PRKG1: variants seen among roughly 807,000 people sequenced by gnomAD.
The protein encoded by PRKG1 is protein kinase cGMP-dependent 1, also known as cGMP-dependent protein kinase 1.
Under a neutral mutation model 88.1 loss-of-function variants are expected in PRKG1, and 35 were observed. The ratio of observed to expected loss-of-function variants is 0.40; its 90% CI spans 0.30 to 0.53. The LOEUF (loss-of-function observed/expected upper bound fraction) is 0.53, where lower values mean the gene tolerates loss of function less well. PRKG1 is among the 20% of genes least tolerant of loss of function. PRKG1 has a pLI of 0.59. For synonymous variants in PRKG1, 303 were observed against 292.5 expected (o/e 1.04, Z -0.37); for missense variants, 540 against 839.8 (o/e 0.64, Z 4.41).
intron 2 of PRKG1, among the ~76,000 whole-genome samples, chr10:51,390,780 T>C (rs746316192): frequency 6.6e-6 from 1 of 152,156 alleles, no homozygotes; most frequent in Non-Finnish European, 1.5e-5. Context: ...TTACCACGTA[T>C]AATTTTGCCT....
At chr10:51,859,505 C>G (rs1297917212) in intron 4 of PRKG1, among the ~76,000 whole-genome samples, 3 of 150,614 alleles carry the variant, frequency 2.0e-5, no homozygotes, top group Non-Finnish European at 4.4e-5. Flanking sequence ...CTGATCCTGA[C>G]CACATCAAAA....
chr10:51,407,395 A>G (rs1837951831), intron 2 of PRKG1, among the ~76,000 whole-genome samples: 1 of 152,234 alleles, frequency 6.6e-6, no homozygotes, highest in Admixed American at 6.5e-5. Flanking sequence ...TAAAGTTAAC[A>G]ATACTTAAAT....
chr10:52,268,938 A>C (rs551538078), intron 10 of PRKG1, among the ~76,000 whole-genome samples: 8 of 151,988 alleles, frequency 5.3e-5, no homozygotes, highest in Non-Finnish European at 1.0e-4. Flanking sequence ...GGCTCAGAGC[A>C]GTTAAGCAAC....
rs188674804 is a variant in PRKG1, at chr10:51,241,291, C to T, written c.478+87961C>T. On this transcript the variant is annotated intron_variant, in intron 2 of 17. Transcript: ENST00000373980. ...TGGCACAGGCAGCCTGTGGAGCTAG[C>T]TCATTTGCTCCAATCCAAAAAAAAA... Among the ~76,000 whole-genome samples, 37 of 151,176 alleles carry T rather than the reference C, an allele frequency of 2.4e-4. 2 individuals are homozygous for T. The highest frequency in any genetic ancestry group is 3.4e-3 in the Middle Eastern group (1 of 294).
chr10:51,833,974 C>G (rs909343829), intron 4 of PRKG1, among the ~76,000 whole-genome samples: 2 of 152,108 alleles, frequency 1.3e-5, no homozygotes, highest in African/African-American at 4.8e-5. Context: ...CCATGCCTAG[C>G]CTGTTTCACT....
chr10:52,270,505 T>C (rs961551715), intron 10 of PRKG1, among the ~76,000 whole-genome samples: 10 of 151,724 alleles, frequency 6.6e-5, no homozygotes, highest in Admixed American at 6.6e-4. Context: ...ATTAAGAAAA[T>C]GTGGCACATA....
chr10:51,079,620 T>C (rs992776220), intron 1 of PRKG1, among the ~76,000 whole-genome samples: 2 of 152,166 alleles, frequency 1.3e-5, no homozygotes, highest in South Asian at 2.1e-4. Flanking sequence ...TTGGTTTCTA[T>C]GATTTGATAA....
intron 14 of PRKG1, 86 bp from the exon 15 acceptor site, chr10:52,288,640 T>C: frequency 7.5e-7 from 1 of 1,337,500 alleles, no homozygotes; most frequent in Non-Finnish European, 1.0e-6. Flanking sequence ...TATGAATTGA[T>C]GTCATCTGTG....
chr10:52,220,229 C>T (rs1444355562), intron 9 of PRKG1, among the ~76,000 whole-genome samples: 1 of 152,062 alleles, frequency 6.6e-6, no homozygotes, highest in East Asian at 1.9e-4. Context: ...AGGTTGTTTG[C>T]TTTCTGGGAA....
chr10:51,260,633 C>A (rs1399540915), intron 2 of PRKG1, among the ~76,000 whole-genome samples: 2 of 152,162 alleles, frequency 1.3e-5, no homozygotes, highest in Non-Finnish European at 2.9e-5. Context: ...AAATGTCCAT[C>A]TCTGCAGGGA....
At chr10:51,611,944 T>A (rs1406006043) in intron 3 of PRKG1, among the ~76,000 whole-genome samples, 1 of 152,138 alleles carries the variant, frequency 6.6e-6, no homozygotes, top group East Asian at 1.9e-4. Flanking sequence ...ATCAGTTGGC[T>A]ATAAATATAT....
chr10:51,950,493 A>G (rs1843156204), intron 5 of PRKG1, among the ~76,000 whole-genome samples: 1 of 152,210 alleles, frequency 6.6e-6, no homozygotes, highest in Non-Finnish European at 1.5e-5. Context: ...CACCCTGTCT[A>G]CCCAGCCCAC....
chr10:51,724,310 AT>A (rs1842081360), intron 3 of PRKG1, among the ~76,000 whole-genome samples: 1 of 152,156 alleles, frequency 6.6e-6, no homozygotes, highest in Admixed American at 6.5e-5. Context: ...TTCTCCCGTG[AT>A]TATAATGTAC....
chr10:51,330,141 ATTTATTTT>A (rs1196364126), intron 2 of PRKG1, among the ~76,000 whole-genome samples: 138 of 112,084 alleles, frequency 1.2e-3, no homozygotes, highest in Non-Finnish European at 2.1e-3. Context: ...TTATTTATTT[ATTTATTTT>A]TTATTTATTT....
chr10:51,840,296 G>A (rs1352483801), intron 4 of PRKG1, among the ~76,000 whole-genome samples: 1 of 151,848 alleles, frequency 6.6e-6, no homozygotes, highest in Non-Finnish European at 1.5e-5. Flanking sequence ...TTTCAACTAA[G>A]GGTTTTCTTG....
intron 4 of PRKG1, among the ~76,000 whole-genome samples, chr10:51,851,242 A>G (rs1203167654): frequency 2.0e-5 from 3 of 152,234 alleles, no homozygotes; most frequent in Admixed American, 6.5e-5. Flanking sequence ...GACTGGAAAG[A>G]TAAATAGTAA....
chr10:51,115,531 T>C (rs558412328), intron 1 of PRKG1, among the ~76,000 whole-genome samples: 1 of 148,168 alleles, frequency 6.7e-6, no homozygotes, highest in African/African-American at 2.5e-5. Context: ...AGGGGGTAAT[T>C]TGTAATGTAA....
intron 10 of PRKG1, chr10:52,252,733 A>C (rs936727298): frequency 1.3e-5 from 2 of 151,940 alleles, no homozygotes; most frequent in African/African-American, 4.8e-5. Context: ...GCCTCACTGA[A>C]TTGGTATTAT....
intron 4 of PRKG1, among the ~76,000 whole-genome samples, chr10:51,890,135 T>C (rs558450811): frequency 1.3e-5 from 2 of 152,320 alleles, no homozygotes; most frequent in South Asian, 4.1e-4. Flanking sequence ...TCCTTGCCCA[T>C]GCCTATGTCC....
Sources: allele counts gnomAD v4.1 joint callset (sites outside exome capture counted in the v4.1 genomes callset), GRCh38; gene constraint gnomAD v4.1.1; transcripts MANE v1.5; gene names NCBI Gene and HGNC (gene_info 2026-07-23, HGNC 2026-07-21).